Variants in DPP10 observed in about 807,000 individuals in gnomAD.
DPP10 encodes the protein dipeptidyl peptidase like 10.
DPP10 carries 33 observed loss-of-function variants against 120.9 expected under a neutral mutation model. The ratio of observed to expected loss-of-function variants is 0.27; its 90% CI spans 0.21 to 0.37. DPP10 has a LOEUF of 0.37. DPP10 is among the 10% of genes least tolerant of loss of function. The probability of loss-of-function intolerance (pLI) is 1.00; values close to 1 mark genes in which losing one functional copy is unlikely to be tolerated. For missense variants in DPP10, 816 were observed against 942.8 expected, an observed-to-expected ratio of 0.87 and a Z score of 1.76; for synonymous variants, 337 against 326.1, an observed-to-expected ratio of 1.03 and a Z score of -0.36.
chr2:115,015,180 T>A (rs1345870193), intron 1 of DPP10, among the ~76,000 whole-genome samples: 3 of 152,212 alleles, frequency 2.0e-5, no homozygotes, highest in Non-Finnish European at 4.4e-5. Flanking sequence ...ATCCCTGGGA[T>A]GCAAGGCTGA....
chr2:115,432,908 A>G (rs1414398260), intron 3 of DPP10, among the ~76,000 whole-genome samples: 1 of 151,994 alleles, frequency 6.6e-6, no homozygotes, highest in Admixed American at 6.6e-5. Flanking sequence ...CAAGATTGAG[A>G]AATCGTGCAA....
intron 7 of DPP10, among the ~76,000 whole-genome samples, chr2:115,690,540 G>A (rs1027158037): frequency 1.3e-5 from 2 of 152,122 alleles, no homozygotes; most frequent in African/African-American, 4.8e-5. Flanking sequence ...AGCCTCCTGA[G>A]TACTTGGGAT....
At chr2:114,493,160 G>T (rs990285514) in intron 1 of DPP10, among the ~76,000 whole-genome samples, 1 of 152,176 alleles carries the variant, frequency 6.6e-6, no homozygotes, top group Non-Finnish European at 1.5e-5. Flanking sequence ...AATGCACAGT[G>T]GCAGCAAAGT....
At chr2:114,988,914 G>A (rs755063269) in intron 1 of DPP10, among the ~76,000 whole-genome samples, 1 of 151,542 alleles carries the variant, frequency 6.6e-6, no homozygotes, top group Non-Finnish European at 1.5e-5. Context: ...TGGTGAATTC[G>A]AATGCAAAGA....
intron 3 of DPP10, among the ~76,000 whole-genome samples, chr2:115,416,566 G>A (rs77049752): frequency 0.019 from 2,896 of 152,076 alleles, 89 homozygotes; most frequent in African/African-American, 0.067. Context: ...TTCCATTCCC[G>A]GTATCAAGTT....
intron 1 of DPP10, among the ~76,000 whole-genome samples, chr2:115,245,051 G>A (rs1447965087): frequency 1.3e-5 from 2 of 151,766 alleles, no homozygotes; most frequent in African/African-American, 4.8e-5. Context: ...ATACCTTTAT[G>A]TTCTCATAGC....
chr2:115,689,221 C>A (rs1442434758), intron 5 of DPP10, among the ~76,000 whole-genome samples: 1 of 151,990 alleles, frequency 6.6e-6, no homozygotes, highest in Admixed American at 6.6e-5. Context: ...AGAATTCTCA[C>A]CTCAGTTAAG....
intron 19 of DPP10, among the ~76,000 whole-genome samples, chr2:115,798,958 G>T (rs1486076786): frequency 6.6e-6 from 1 of 152,010 alleles, no homozygotes; most frequent in Non-Finnish European, 1.5e-5. Context: ...TTTGTAGCCT[G>T]TATGATTAGA....
chr2:114,817,894 A>G (rs1378474679), intron 1 of DPP10, among the ~76,000 whole-genome samples: 1 of 152,178 alleles, frequency 6.6e-6, no homozygotes, highest in Non-Finnish European at 1.5e-5. Flanking sequence ...GTATTTTTTA[A>G]TACTTAAGGA....
chr2:115,557,721 T>C (rs184210312), intron 5 of DPP10, among the ~76,000 whole-genome samples: 2 of 152,252 alleles, frequency 1.3e-5, no homozygotes, highest in East Asian at 3.9e-4. Context: ...TTACAAGGCT[T>C]TTGGTAAAGA....
At chr2:115,659,725 CTT>C (rs2088743113) in intron 5 of DPP10, among the ~76,000 whole-genome samples, 2 of 152,050 alleles carry the variant, frequency 1.3e-5, no homozygotes, top group South Asian at 2.1e-4. Flanking sequence ...TTTCCAAAGA[CTT>C]TTTAATCTTT....
Position 115,152,902 on chromosome 2 carries a change from G to T in DPP10, c.61-156337G>T, listed in dbSNP as rs1179267981. On this transcript the variant is annotated intron_variant, in intron 1 of 25. Transcript: ENST00000410059. ...AAAAGACATGAGACTGAGGGTCAGA[G>T]ACAAAGACTTTGATTACTCATAGTA... Among the ~76,000 whole-genome samples the T allele has an allele frequency of 2.0e-5, 3 of 152,148 alleles. No individual in the cohort carries two copies. In the East Asian group the frequency reaches 5.8e-4, roughly 29 times the overall value.
chr2:115,260,180 A>G (rs1176181479), intron 1 of DPP10, among the ~76,000 whole-genome samples: 2 of 151,242 alleles, frequency 1.3e-5, no homozygotes, highest in Admixed American at 6.6e-5. Flanking sequence ...ATTATGATAT[A>G]TAATTGTATC....
intron 3 of DPP10, among the ~76,000 whole-genome samples, chr2:115,381,086 C>G (rs373007459): frequency 6.6e-6 from 1 of 152,092 alleles, no homozygotes; most frequent in Non-Finnish European, 1.5e-5. Context: ...TTTCCTGAAT[C>G]TGAATGTTGG....
rs922008555 is a variant in DPP10 at position 114,486,213 on chromosome 2, C to T, written c.60+43375C>T. Among the ~76,000 whole-genome samples, 6 of 151,632 alleles carry T rather than the reference C, an allele frequency of 4.0e-5. 1 individual carries two copies. The South Asian group carries it at 8.3e-4, about 21-fold the overall frequency. The stretch of plus-strand genomic sequence containing the variant: ...TTCCAAAAGTATACTTTTATGAGTG[C>T]GTGTGATGTTGATACAGCATGGTAT... On this transcript the variant is annotated intron_variant, in intron 1 of 25. Transcript: ENST00000410059.
chr2:114,531,695 C>T (rs949850127), intron 1 of DPP10, among the ~76,000 whole-genome samples: 7 of 151,428 alleles, frequency 4.6e-5, no homozygotes, highest in East Asian at 3.9e-4. Flanking sequence ...GTATGTAAAA[C>T]GGAAGCAAAT....
intron 1 of DPP10, among the ~76,000 whole-genome samples, chr2:115,050,602 T>C (rs1705399339): frequency 6.6e-6 from 1 of 152,098 alleles, no homozygotes; most frequent in Non-Finnish European, 1.5e-5. Context: ...AGGCTGGAGA[T>C]TGAAATGCTT....
chr2:115,668,917 T>A (rs758119740), intron 5 of DPP10, among the ~76,000 whole-genome samples: 1 of 152,130 alleles, frequency 6.6e-6, no homozygotes, highest in Non-Finnish European at 1.5e-5. Flanking sequence ...AATATGAAAA[T>A]CCTACTGTTC....
intron 5 of DPP10, among the ~76,000 whole-genome samples, chr2:115,559,445 G>A (rs1468396643): frequency 7.2e-5 from 11 of 152,060 alleles, no homozygotes; most frequent in Admixed American, 7.2e-4. Context: ...AGCTTTCTTA[G>A]TTTGATATAT....
Sources: gnomAD v4.1 joint callset for allele counts (sites outside exome capture counted in the v4.1 genomes callset) on GRCh38, gnomAD v4.1.1 for gene constraint, MANE v1.5 for transcripts, NCBI Gene and HGNC (gene_info 2026-07-23, HGNC 2026-07-21) for gene names.